CNTNAP2: variants seen among roughly 807,000 people sequenced by gnomAD.
CNTNAP2 encodes contactin associated protein 2, also known as contactin-associated protein-like 2.
Under a neutral mutation model 155.2 loss-of-function variants are expected in CNTNAP2, and 98 were observed. The ratio of observed to expected loss-of-function variants is 0.63; its 90% CI spans 0.54 to 0.75. CNTNAP2 has a LOEUF of 0.75. Among genes scored for constraint, CNTNAP2 ranks in the 30% least tolerant of loss-of-function variants. The pLI, the probability that CNTNAP2 is intolerant of heterozygous loss-of-function variation, is 0.00. For missense variants in CNTNAP2, 1,727 were observed against 1,688.1 expected, an observed-to-expected ratio of 1.02 and a Z score of -0.40; for synonymous variants, 651 against 631.2, an observed-to-expected ratio of 1.03 and a Z score of -0.47.
At chr7:147,804,159 G>A (rs1327163922) in intron 13 of CNTNAP2, among the ~76,000 whole-genome samples, 1 of 152,178 alleles carries the variant, frequency 6.6e-6, no homozygotes, top group East Asian at 1.9e-4. Context: ...GCACTTACTT[G>A]AAAAGCTGCC....
intron 9 of CNTNAP2, among the ~76,000 whole-genome samples, chr7:147,313,806 A>G (rs1240715941): frequency 1.3e-5 from 2 of 151,916 alleles, no homozygotes; most frequent in Non-Finnish European, 2.9e-5. Context: ...GAAGAAAGTC[A>G]TTGGTAGCTT....
chr7:148,076,513 G>A (rs932826452), intron 15 of CNTNAP2, among the ~76,000 whole-genome samples: 1 of 132,226 alleles, frequency 7.6e-6, no homozygotes, highest in Non-Finnish European at 1.5e-5. Context: ...TCGGCTCACT[G>A]CAGGCTCGAT....
intron 13 of CNTNAP2, among the ~76,000 whole-genome samples, chr7:147,868,618 G>T (rs1051486246): frequency 6.6e-6 from 1 of 152,190 alleles, no homozygotes; most frequent in Non-Finnish European, 1.5e-5. Flanking sequence ...GAGCTGTGGT[G>T]GGCTCTACCC....
At chr7:146,455,014 T>C (rs1163122427) in intron 1 of CNTNAP2, among the ~76,000 whole-genome samples, 1 of 152,198 alleles carries the variant, frequency 6.6e-6, no homozygotes, top group African/African-American at 2.4e-5. Context: ...GCCCTGAATG[T>C]GGGCTCTTTG....
In CNTNAP2 at chr7:146,644,527, G is replaced by C. The variant is rs59198655; in HGVS notation, c.98-129744G>C. On this transcript the variant is annotated intron_variant, in intron 1 of 23. Transcript: ENST00000361727. ...AGCCCTCTTGATCATGGTGGATAAG[G>C]TTTTTGATGTGCTGCTGGATTCGGT... is the stretch of plus-strand genomic sequence containing the variant. Among the ~76,000 whole-genome samples, 1,318 of 152,102 alleles carry C rather than the reference G, an allele frequency of 8.7e-3. 13 individuals carry two copies. Among genetic ancestry groups the C allele is most frequent in the African/African-American group, 0.03 (1,246 of 41,506 alleles).
chr7:146,460,530 G>A (rs931773248), intron 1 of CNTNAP2, among the ~76,000 whole-genome samples: 1 of 152,202 alleles, frequency 6.6e-6, no homozygotes, highest in Non-Finnish European at 1.5e-5. Flanking sequence ...CAACCCAAAT[G>A]TCTATTGACT....
intron 1 of CNTNAP2, among the ~76,000 whole-genome samples, chr7:146,728,622 A>C (rs1801473295): frequency 1.3e-5 from 2 of 151,930 alleles, no homozygotes; most frequent in South Asian, 2.1e-4. Context: ...AAAAAAAAAA[A>C]AAACGAAACA....
At chr7:147,040,831 T>C (rs768276336) in intron 3 of CNTNAP2, among the ~76,000 whole-genome samples, 7 of 152,174 alleles carry the variant, frequency 4.6e-5, no homozygotes, top group African/African-American at 7.2e-5. Context: ...AAGAGGTTGC[T>C]GAGCAGTCGA....
At chr7:147,348,112 G>C (rs1475987827) in intron 9 of CNTNAP2, among the ~76,000 whole-genome samples, 1 of 151,964 alleles carries the variant, frequency 6.6e-6, no homozygotes, top group African/African-American at 2.4e-5. Context: ...ATGTCAATCT[G>C]GGAAAAGATT....
At chr7:147,897,699 G>A (rs150051898) in intron 13 of CNTNAP2, among the ~76,000 whole-genome samples, 69 of 152,292 alleles carry the variant, frequency 4.5e-4, no homozygotes, top group African/African-American at 1.6e-3. Context: ...AAGACCTAGT[G>A]TAGCTTTTGG....
At chr7:146,378,427 C>G (rs1795335136) in intron 1 of CNTNAP2, among the ~76,000 whole-genome samples, 1 of 152,098 alleles carries the variant, frequency 6.6e-6, no homozygotes. Context: ...ACAATGACGA[C>G]AACAAACCTA....
chr7:147,944,003 T>A (rs1226139133), intron 14 of CNTNAP2, among the ~76,000 whole-genome samples: 1 of 152,072 alleles, frequency 6.6e-6, no homozygotes, highest in African/African-American at 2.4e-5. Flanking sequence ...ACAAACACAT[T>A]ATGAGTGGTT....
At chr7:147,648,022 G>A (rs77641568) in intron 13 of CNTNAP2, among the ~76,000 whole-genome samples, 2,741 of 152,282 alleles carry the variant, frequency 0.018, 35 homozygotes, top group Non-Finnish European at 0.026. Context: ...ACTGCATGGG[G>A]AAAGGAAAGA....
At chr7:146,126,643 G>GT (rs1211936552) in intron 1 of CNTNAP2, among the ~76,000 whole-genome samples, 4 of 152,302 alleles carry the variant, frequency 2.6e-5, no homozygotes, top group African/African-American at 9.6e-5. Flanking sequence ...ATCGAAAACT[G>GT]TAAATATGAT....
intron 3 of CNTNAP2, among the ~76,000 whole-genome samples, chr7:146,919,199 G>A (rs1023012714): frequency 1.3e-5 from 2 of 152,132 alleles, no homozygotes; most frequent in Admixed American, 6.5e-5. Flanking sequence ...CAGAGATTTT[G>A]TCTTGGTTTG....
chr7:147,000,051 C>A (rs1371884725), intron 3 of CNTNAP2, among the ~76,000 whole-genome samples: 2 of 151,950 alleles, frequency 1.3e-5, no homozygotes, highest in East Asian at 3.9e-4. Context: ...AGGCTTTCTG[C>A]ATTTTCTTTA....
chr7:146,508,888 C>A (rs1045734587), intron 1 of CNTNAP2, among the ~76,000 whole-genome samples: 5 of 152,218 alleles, frequency 3.3e-5, no homozygotes, highest in African/African-American at 1.2e-4. Context: ...GTATGAGTCA[C>A]CACTGGGGCC....
chr7:146,377,993 G>T (rs964636434), intron 1 of CNTNAP2, among the ~76,000 whole-genome samples: 2 of 152,136 alleles, frequency 1.3e-5, no homozygotes, highest in Middle Eastern at 3.4e-3. Context: ...TTTCTTAATG[G>T]GAATTTCATA....
chr7:146,803,877 A>G (rs549151080), intron 2 of CNTNAP2, among the ~76,000 whole-genome samples: 171 of 152,318 alleles, frequency 1.1e-3, no homozygotes, highest in African/African-American at 3.8e-3. Flanking sequence ...GAATTTCTTC[A>G]TCCCGTTTTC....
Sources: gnomAD v4.1 joint callset for allele counts (sites outside exome capture counted in the v4.1 genomes callset) on GRCh38, gnomAD v4.1.1 for gene constraint, MANE v1.5 for transcripts, NCBI Gene and HGNC (gene_info 2026-07-23, HGNC 2026-07-21) for gene names.